DNASE1: variants seen among roughly 807,000 people sequenced by gnomAD.
The protein encoded by DNASE1 is deoxyribonuclease 1, also known as deoxyribonuclease-1.
DNASE1 carries 40 observed loss-of-function variants against 33.9 expected under a neutral mutation model. The ratio of observed to expected loss-of-function variants is 1.18; its 90% CI spans 0.92 to 1.54. The LOEUF (loss-of-function observed/expected upper bound fraction) is 1.54, where lower values mean the gene tolerates loss of function less well. Ranked by LOEUF, DNASE1 falls within the 40% of genes most tolerant of loss-of-function variation. The probability of loss-of-function intolerance (pLI) is 0.00; values close to 1 mark genes in which losing one functional copy is unlikely to be tolerated. For missense variants in DNASE1, 518 were observed against 372.6 expected, an observed-to-expected ratio of 1.39 and a Z score of -3.21; for synonymous variants, 216 against 160.0, an observed-to-expected ratio of 1.35 and a Z score of -2.64.
chr16:3,656,610 C>T (rs1190248746), intron 4 of DNASE1, 28 bp from the exon 5 acceptor site: 3 of 1,580,406 alleles, frequency 1.9e-6, no homozygotes, highest in Non-Finnish European at 2.6e-6. Context: ...AGCCTGGGGT[C>T]ACCTCCTCCT....
chr16:3,657,649 A>C, intron 7 of DNASE1, 71 bp from the exon 8 acceptor site: 1 of 1,589,064 alleles, frequency 6.3e-7, no homozygotes, highest in East Asian at 2.3e-5. Flanking sequence ...CTCTTAGTTT[A>C]GTTCCTGCGG....
chr16:3,632,828 C>G (rs905915858), intron 1 of DNASE1, among the ~76,000 whole-genome samples: 1 of 152,044 alleles, frequency 6.6e-6, no homozygotes, highest in Non-Finnish European at 1.5e-5. Flanking sequence ...TCAGGTGATC[C>G]GCCCGCCTCA....
At position 3,657,795 on chromosome 16, in the gene DNASE1, C is replaced by A. The variant is rs147763166; in HGVS notation, c.780C>A (p.Ala260=). Residue 260 remains alanine, a synonymous_variant, in exon 8 of 9, where the codon GCC becomes GCA. Coordinates refer to ENST00000246949, the MANE Select transcript of DNASE1 (RefSeq NM_005223.4). The part of the protein sequence containing the change: ...DSALPFNFQA[A]YGLSDQLAQA... ...CTCTTCCCTTTAACTTCCAGGCTGCCTATGGCCTGAGTGACCAACTGGTAT... is the reference window on the plus strand; with the variant it reads ...CTCTTCCCTTTAACTTCCAGGCTGCATATGGCCTGAGTGACCAACTGGTAT... 640 of 1,613,766 alleles carry A rather than the reference C, an allele frequency of 4.0e-4. 2 individuals carry two copies. The highest frequency in any genetic ancestry group is 5.2e-4 in the Non-Finnish European group (609 of 1,179,924).
chr16:3,644,737 A>C (rs2042121793), intron 1 of DNASE1, among the ~76,000 whole-genome samples: 2 of 150,910 alleles, frequency 1.3e-5, no homozygotes, highest in Admixed American at 6.6e-5. Flanking sequence ...TCCATCTCAA[A>C]AAAAAAAAAA....
chr16:3,619,417 A>G (rs368407422), intron 1 of DNASE1, among the ~76,000 whole-genome samples: 1 of 151,304 alleles, frequency 6.6e-6, no homozygotes, highest in African/African-American at 2.4e-5. Flanking sequence ...GCCGAAGTGC[A>G]GTGGTGTGAT....
chr16:3,624,874 A>G (rs1329949654), intron 1 of DNASE1, among the ~76,000 whole-genome samples: 1 of 151,950 alleles, frequency 6.6e-6, no homozygotes, highest in Admixed American at 6.6e-5. Context: ...TTTATTTTTT[A>G]TTTTTAGTAG....
rs539405862 is a variant in DNASE1 at position 3,657,183 on chromosome 16, G to T, written c.550-4G>T. ...CCAGGGCCACAGGCAGCGTTTCCTGGTAGGACGTCATGTTGATGGGCGACT... is the reference window on the plus strand; with the variant it reads ...CCAGGGCCACAGGCAGCGTTTCCTGTTAGGACGTCATGTTGATGGGCGACT... On this transcript the variant is annotated splice_region_variant and splice_polypyrimidine_tract_variant and intron_variant, in intron 6 of 8. Coordinates refer to ENST00000246949, the MANE Select transcript of DNASE1 (RefSeq NM_005223.4). The T allele has an allele frequency of 1.9e-6, 3 of 1,614,130 alleles. No homozygotes were observed. The highest frequency in any genetic ancestry group is 2.5e-6 in the Non-Finnish European group (3 of 1,180,014).
chr16:3,628,812 G>C (rs2041605928), intron 1 of DNASE1, among the ~76,000 whole-genome samples: 1 of 148,240 alleles, frequency 6.7e-6, no homozygotes, highest in Admixed American at 6.7e-5. Flanking sequence ...GCCCGCCTCA[G>C]CTTCCCAAAG....
intron 2 of DNASE1, 22 bp from the exon 3 acceptor site, chr16:3,655,827 A>C: frequency 1.9e-6 from 3 of 1,612,748 alleles, no homozygotes; most frequent in Non-Finnish European, 2.5e-6. Flanking sequence ...CCTGCTCAGC[A>C]CCACTGTGGC....
At chr16:3,623,314 A>C (rs138263563) in intron 1 of DNASE1, among the ~76,000 whole-genome samples, 3 of 152,144 alleles carry the variant, frequency 2.0e-5, no homozygotes, top group Non-Finnish European at 4.4e-5. Context: ...CCGTACCTCT[A>C]TCTCTCACCG....
At chr16:3,620,941 C>T (rs1666852814) in intron 1 of DNASE1, among the ~76,000 whole-genome samples, 1 of 152,092 alleles carries the variant, frequency 6.6e-6, no homozygotes. Context: ...GCTGGGATTA[C>T]AGGCGCCTGC....
chr16:3,652,565 G>A (rs1465527212), upstream of DNASE1: 1 of 152,252 alleles, frequency 6.6e-6, no homozygotes, highest in Non-Finnish European at 1.5e-5. Context: ...CCTGCAATGG[G>A]GCCTCTGGCA....
In DNASE1 at chr16:3,655,995, C is replaced by T. The variant is rs529750087; in HGVS notation, c.236+58C>T. ...ACATCTCGTCCACGGCACAGCCTCA[C>T]TTCACTTGGGCCCCAAGGGTGGGGA... On this transcript the variant is annotated intron_variant, in intron 3 of 8. Coordinates refer to ENST00000246949, the MANE Select transcript of DNASE1 (RefSeq NM_005223.4). The T allele has an allele frequency of 1.0e-3, 1,682 of 1,612,472 alleles. 4 individuals are homozygous for T. The highest frequency in any genetic ancestry group is 1.2e-3 in the Non-Finnish European group (1,439 of 1,178,820).
At chr16:3,662,543 A>G (rs977936030), downstream of DNASE1, 8 of 550,742 alleles carry the variant, frequency 1.5e-5, no homozygotes, top group Admixed American at 7.2e-5. Flanking sequence ...CTAAGCACCC[A>G]AGTGAGCATG....
intron 1 of DNASE1, among the ~76,000 whole-genome samples, chr16:3,612,828 G>A (rs925730993): frequency 6.6e-6 from 1 of 152,146 alleles, no homozygotes; most frequent in African/African-American, 2.4e-5. Flanking sequence ...GAGGTGGAGC[G>A]AAAAGAATGG....
Position 3,657,937 on chromosome 16 carries a change from AG to A in DNASE1, c.835del (p.Val279Ter). ...AQAISDHYPV[E>X]VMLK Reference sequence around the variant, plus strand: ...GCCATCAGTGACCACTATCCAGTGGAGGTGATGCTGAAGTGAGCAGCCCCTC... The same window carrying A: ...GCCATCAGTGACCACTATCCAGTGGAGTGATGCTGAAGTGAGCAGCCCCTC... On this transcript the variant is annotated frameshift_variant, in exon 9 of 9. Transcript: ENST00000246949. LOFTEE classifies it high-confidence loss of function. 6.2e-7 allele frequency: 1 copy of A among 1,613,944 alleles called. No homozygotes were observed. Among genetic ancestry groups the A allele is most frequent in the Non-Finnish European group, 8.5e-7 (1 of 1,179,930 alleles).
intron 1 of DNASE1, among the ~76,000 whole-genome samples, chr16:3,646,624 A>G (rs2042179623): frequency 6.6e-6 from 1 of 152,148 alleles, no homozygotes; most frequent in Non-Finnish European, 1.5e-5. Context: ...TAGGTCATGG[A>G]AAGCATTGGA....
In DNASE1 at chr16:3,618,103, AT is replaced by A. The variant is rs1321025881; in HGVS notation, c.-1359+6098del. Among the ~76,000 whole-genome samples, 486 of 150,390 alleles carry A rather than the reference AT, an allele frequency of 3.2e-3. 6 individuals are homozygous for A. The highest frequency in any genetic ancestry group is 3.7e-3 in the Non-Finnish European group (248 of 67,486). On this transcript the variant is annotated intron_variant and NMD_transcript_variant, in intron 1 of 11. Transcript: ENST00000570769. The stretch of plus-strand genomic sequence containing the variant: ...CCAAGACCAAAAAAAAAAAAAAAAA[AT>A]GGACATAGGACTTGAATAGACATTC...
chr16:3,657,632 C>G (rs2042768450), intron 7 of DNASE1, 88 bp from the exon 8 acceptor site: 3 of 1,556,100 alleles, frequency 1.9e-6, no homozygotes, highest in South Asian at 2.3e-5. Flanking sequence ...ACTGGCAGGT[C>G]CCAGGGCTCT....
Sources: gnomAD v4.1 joint callset for allele counts (sites outside exome capture counted in the v4.1 genomes callset) on GRCh38, gnomAD v4.1.1 for gene constraint, MANE v1.5 for transcripts, NCBI Gene and HGNC (gene_info 2026-07-23, HGNC 2026-07-21) for gene names.